Variants in BABAM2 observed in about 807,000 individuals in gnomAD.
BABAM2 encodes BRISC and BRCA1-A complex member 2.
In BABAM2, 31 loss-of-function variants were observed where a neutral mutation model predicts 54.7. The ratio of observed to expected loss-of-function variants is 0.57; its 90% CI spans 0.43 to 0.77. BABAM2 has a LOEUF of 0.77. Ranked by LOEUF, BABAM2 falls within the 30% of genes least tolerant of loss-of-function variation. BABAM2 has a pLI of 0.00. For missense variants in BABAM2, 364 were observed against 455.8 expected, an observed-to-expected ratio of 0.80 and a Z score of 1.83; for synonymous variants, 167 against 162.9, an observed-to-expected ratio of 1.03 and a Z score of -0.19.
chr2:27,973,161 T>C (rs1250578974), intron 3 of BABAM2, among the ~76,000 whole-genome samples: 2 of 152,138 alleles, frequency 1.3e-5, no homozygotes, highest in Non-Finnish European at 2.9e-5. Context: ...CCATAGTACC[T>C]AAAGAATACA....
intron 4 of BABAM2, among the ~76,000 whole-genome samples, chr2:28,019,521 G>T (rs1675099508): frequency 1.3e-5 from 2 of 152,066 alleles, no homozygotes; most frequent in South Asian, 2.1e-4. Context: ...ATTTATCTTT[G>T]TTTTTGTTGC....
intron 4 of BABAM2, 24 bp downstream of exon 4, chr2:27,988,111 A>G: frequency 2.5e-6 from 4 of 1,597,950 alleles, no homozygotes; most frequent in Non-Finnish European, 3.4e-6. Context: ...ACTTGCTTGA[A>G]TGATCTTTCT....
chr2:27,993,794 TGC>T (rs1672940895), intron 4 of BABAM2, among the ~76,000 whole-genome samples: 1 of 152,140 alleles, frequency 6.6e-6, no homozygotes, highest in Admixed American at 6.5e-5. Context: ...CTGTTCTGCT[TGC>T]GTAGAATGTA....
At chr2:27,933,953 C>G (rs1668302887) in intron 3 of BABAM2, among the ~76,000 whole-genome samples, 1 of 151,260 alleles carries the variant, frequency 6.6e-6, no homozygotes, top group Non-Finnish European at 1.5e-5. Flanking sequence ...GGATTGGTTC[C>G]AAGATGTCCT....
intron 3 of BABAM2, among the ~76,000 whole-genome samples, chr2:27,950,500 A>G (rs775041788): frequency 1.3e-5 from 2 of 152,092 alleles, no homozygotes; most frequent in Non-Finnish European, 2.9e-5. Context: ...CCTGGGATGA[A>G]CTGATTGTTT....
chr2:28,252,008 T>C (rs542185731), intron 10 of BABAM2, among the ~76,000 whole-genome samples: 32 of 152,188 alleles, frequency 2.1e-4, no homozygotes, highest in African/African-American at 7.7e-4. Context: ...CGAAACATGG[T>C]GAAACCCTGT....
chr2:28,041,927 A>C (rs1677133735), intron 5 of BABAM2, among the ~76,000 whole-genome samples: 1 of 152,180 alleles, frequency 6.6e-6, no homozygotes, highest in Non-Finnish European at 1.5e-5. Context: ...CCAGGCGTAG[A>C]GATAAAGGTG....
chr2:28,210,593 T>A (rs968888525), intron 7 of BABAM2, among the ~76,000 whole-genome samples: 1 of 152,048 alleles, frequency 6.6e-6, no homozygotes, highest in Non-Finnish European at 1.5e-5. Flanking sequence ...GGGATTTTGG[T>A]TTTCAATGAA....
At chr2:28,220,028 G>A (rs1045326945) in intron 7 of BABAM2, among the ~76,000 whole-genome samples, 11 of 152,066 alleles carry the variant, frequency 7.2e-5, no homozygotes, top group Non-Finnish European at 1.6e-4. Context: ...TTCTGACGAC[G>A]TGCTTTCACT....
chr2:28,287,965 C>A (rs958685971), intron 10 of BABAM2, among the ~76,000 whole-genome samples: 1 of 152,278 alleles, frequency 6.6e-6, no homozygotes, highest in African/African-American at 2.4e-5. Context: ...GACAGAGAAG[C>A]ACTTGGGACA....
Position 28,338,744 on chromosome 2 carries a change from A to G in BABAM2, c.*231A>G, listed in dbSNP as rs1254562820. 1 of 482,950 alleles carries G rather than the reference A, an allele frequency of 2.1e-6. No homozygotes were observed. Among genetic ancestry groups the G allele is most frequent in the Non-Finnish European group, 3.7e-6 (1 of 270,130 alleles). 29.9% of individuals were successfully genotyped at this position (482,950 alleles called of 1,614,324 possible). The stretch of plus-strand genomic sequence containing the variant: ...GGGTTACTCCCTCTTTCTTGCCTCT[A>G]TTTCTTAGTTGGAAGAAATAAACTC... On this transcript the variant is annotated 3_prime_UTR_variant, in exon 12 of 12. Transcript: ENST00000379624.
chr2:28,050,461 C>T (rs1255278380), intron 6 of BABAM2, among the ~76,000 whole-genome samples: 1 of 152,140 alleles, frequency 6.6e-6, no homozygotes, highest in Admixed American at 6.5e-5. Context: ...ACTGCAGTGC[C>T]ACTCAATATC....
At chr2:28,026,279 A>G (rs560729106) in intron 5 of BABAM2, among the ~76,000 whole-genome samples, 3 of 152,224 alleles carry the variant, frequency 2.0e-5, no homozygotes, top group Non-Finnish European at 4.4e-5. Flanking sequence ...AGACACATGT[A>G]CACGTATGTT....
chr2:27,955,024 G>T (rs938459381), intron 3 of BABAM2, among the ~76,000 whole-genome samples: 8 of 152,102 alleles, frequency 5.3e-5, no homozygotes, highest in African/African-American at 1.9e-4. Flanking sequence ...CAGGCAGGGG[G>T]CAGTATTATT....
chr2:28,154,178 T>C (rs1390620868), intron 7 of BABAM2, among the ~76,000 whole-genome samples: 2 of 152,192 alleles, frequency 1.3e-5, no homozygotes, highest in Non-Finnish European at 2.9e-5. Flanking sequence ...CTTATAATAA[T>C]AGTAATTAAC....
intron 7 of BABAM2, among the ~76,000 whole-genome samples, chr2:28,216,213 A>C (rs1679904288): frequency 6.6e-6 from 1 of 152,206 alleles, no homozygotes; most frequent in Admixed American, 6.5e-5. Context: ...TTATTTTCTC[A>C]GTGCAAATGT....
At chr2:28,315,419 CTTTTT>C (rs150398719) in intron 11 of BABAM2, among the ~76,000 whole-genome samples, 3 of 121,942 alleles carry the variant, frequency 2.5e-5, no homozygotes, top group African/African-American at 8.9e-5. Flanking sequence ...GTGTGTGGTT[CTTTTT>C]TCTTTTCTTT....
chr2:28,046,375 G>A (rs1339683997), intron 6 of BABAM2, among the ~76,000 whole-genome samples: 7 of 152,086 alleles, frequency 4.6e-5, no homozygotes, highest in African/African-American at 9.7e-5. Flanking sequence ...CAGGAGAATC[G>A]CTTGAACCTG....
intron 7 of BABAM2, among the ~76,000 whole-genome samples, chr2:28,137,201 C>T (rs539950448): frequency 5.9e-5 from 9 of 152,098 alleles, no homozygotes; most frequent in South Asian, 2.1e-4. Flanking sequence ...AGTAATAGAA[C>T]GTAATAGTAA....
Sources: allele counts gnomAD v4.1 joint callset (sites outside exome capture counted in the v4.1 genomes callset), GRCh38; gene constraint gnomAD v4.1.1; transcripts MANE v1.5; gene names NCBI Gene and HGNC (gene_info 2026-07-23, HGNC 2026-07-21).